The following FRYL variants were observed in gnomAD, a reference collection of about 807,000 sequenced individuals.
FRYL encodes protein furry homolog-like.
A neutral mutation model predicts 351.2 loss-of-function variants in FRYL; 150 were observed. The ratio of observed to expected loss-of-function variants is 0.43; its 90% CI spans 0.37 to 0.49. The LOEUF (loss-of-function observed/expected upper bound fraction) is 0.49. Among genes scored for constraint, FRYL ranks in the 20% least tolerant of loss-of-function variants. The pLI is 0.00. For synonymous variants in FRYL, 1,153 were observed against 1,257.1 expected (o/e 0.92, Z 1.75); for missense variants, 3,036 against 3,619.3 (o/e 0.84, Z 4.13).
intron 2 of FRYL, among the ~76,000 whole-genome samples, chr4:48,709,903 G>A (rs1767816345): frequency 6.6e-6 from 1 of 152,030 alleles, no homozygotes; most frequent in Non-Finnish European, 1.5e-5. Context: ...TAAACAGTAG[G>A]CATTGGTCGA....
chr4:48,585,729 G>A (rs1394636698), intron 19 of FRYL, among the ~76,000 whole-genome samples: 1 of 152,202 alleles, frequency 6.6e-6, no homozygotes, highest in Non-Finnish European at 1.5e-5. Flanking sequence ...TACTTTTGTG[G>A]TAGATGTGAT....
intron 1 of FRYL, among the ~76,000 whole-genome samples, chr4:48,722,823 AATC>A (rs1256775175): frequency 6.6e-6 from 1 of 152,226 alleles, no homozygotes; most frequent in East Asian, 1.9e-4. Context: ...GAAAGATAAA[AATC>A]ATCATGATAC....
chr4:48,748,485 G>A (rs780735540), intron 1 of FRYL, among the ~76,000 whole-genome samples: 1 of 152,132 alleles, frequency 6.6e-6, no homozygotes, highest in South Asian at 2.1e-4. Flanking sequence ...CCTCCTGGCC[G>A]GGATCTCTTT....
chr4:48,598,855 T>C (rs1290541735), intron 13 of FRYL: 1 of 985,008 alleles, frequency 1.0e-6, no homozygotes, highest in Non-Finnish European at 1.2e-6. Flanking sequence ...TGTTTTCTGA[T>C]ACTGTTGTTA....
chr4:48,502,624 A>G (rs1381656368), intron 61 of FRYL, among the ~76,000 whole-genome samples: 1 of 152,128 alleles, frequency 6.6e-6, no homozygotes, highest in Non-Finnish European at 1.5e-5. Context: ...GAAAAAGGTG[A>G]CTGCTAATTT....
At position 48,682,816 on chromosome 4, in the gene FRYL, C is replaced by T. The variant is rs137885030; in HGVS notation, c.-81+1857G>A. Among the ~76,000 whole-genome samples, 435 of 152,188 alleles carry T rather than the reference C, an allele frequency of 2.9e-3. 1 individual carries two copies. Among genetic ancestry groups the T allele is most frequent in the African/African-American group, 9.8e-3 (409 of 41,546 alleles). ...GAAATAGAAATGCTTTTACACTGTT[C>T]GTGGGAGTGTAAATTAGTTCAACCA... On this transcript the variant is annotated intron_variant, in intron 3 of 63. Transcript: ENST00000358350.
intron 3 of FRYL, among the ~76,000 whole-genome samples, chr4:48,676,643 G>A (rs990723348): frequency 6.6e-6 from 1 of 151,576 alleles, no homozygotes; most frequent in Non-Finnish European, 1.5e-5. Context: ...CGCCCGCCTC[G>A]GCCTCCCGAA....
chr4:48,499,517 T>G lies in FRYL; in HGVS notation c.8947A>C (p.Asn2983His). 1 of 1,614,110 alleles carries G rather than the reference T, an allele frequency of 6.2e-7. No homozygotes were observed. The highest frequency in any genetic ancestry group is 1.1e-5 in the South Asian group (1 of 91,084). Reference protein sequence around the residue: ...SEANYKLMELNLEIRESLRMV... With the variant: ...SEANYKLMELHLEIRESLRMV... ...CGTAGAGACTCTCTTATTTCCAGAT[T>G]AAGTTCCATCAGTTTGTAGTTGGCT... The change falls in exon 64 of 64, where the codon AAT becomes CAT. Residue 2983 changes from asparagine (N) to histidine (H), a missense_variant. Physicochemically the swap from Asn to His is moderately conservative, Grantham distance 68. Transcript: ENST00000358350.
At chr4:48,639,480 A>G (rs1330754772) in intron 3 of FRYL, among the ~76,000 whole-genome samples, 1 of 14,658 alleles carries the variant, frequency 6.8e-5, no homozygotes, top group Non-Finnish European at 1.6e-4. Context: ...CTAGAAATCC[A>G]CATGTTAAAA....
chr4:48,741,929 A>G (rs1339078157), intron 1 of FRYL, among the ~76,000 whole-genome samples: 2 of 152,222 alleles, frequency 1.3e-5, no homozygotes, highest in Admixed American at 6.5e-5. Flanking sequence ...TTTGTATACT[A>G]TAATAGTGGA....
intron 35 of FRYL, 24 bp from the exon 36 acceptor site, chr4:48,553,407 A>C: frequency 6.4e-7 from 1 of 1,573,734 alleles, no homozygotes; most frequent in Non-Finnish European, 8.7e-7. Context: ...AATCGTTCAG[A>C]AAAGAAAAAG....
chr4:48,754,655 G>C (rs1773585865), intron 1 of FRYL, among the ~76,000 whole-genome samples: 1 of 109,846 alleles, frequency 9.1e-6, no homozygotes. Flanking sequence ...TGATTTTCTG[G>C]GGTTTTTTTG....
At position 48,549,693 on chromosome 4, in the gene FRYL, A is replaced by C; in HGVS notation, c.4634-70T>G. The C allele has an allele frequency of 2.4e-6, 3 of 1,269,022 alleles. No individual in the cohort carries two copies. 78.6% of individuals were successfully genotyped at this position (1,269,022 alleles called of 1,614,324 possible). A position where few individuals can be genotyped will look rare whatever the true frequency, so the allele number is the denominator to read the frequency against. ...GCCAATATAAGCAAACTCTAGTAAG[A>C]TCCCAACTATTTATATAGTATTGGA... On this transcript the variant is annotated intron_variant, in intron 38 of 63. Coordinates refer to ENST00000358350, the MANE Select transcript of FRYL (RefSeq NM_015030.2). The surrounding 1 kb of genome is among the most constrained non-coding windows in gnomAD (Gnocchi z 4.2).
At chr4:48,668,327 G>A (rs1343397398) in intron 3 of FRYL, among the ~76,000 whole-genome samples, 1 of 150,954 alleles carries the variant, frequency 6.6e-6, no homozygotes, top group Non-Finnish European at 1.5e-5. Context: ...AACTAAGGCT[G>A]GAGATCGCAT....
intron 19 of FRYL, among the ~76,000 whole-genome samples, chr4:48,583,274 C>T (rs1039759642): frequency 1.2e-3 from 186 of 152,052 alleles, no homozygotes; most frequent in African/African-American, 4.3e-3. Context: ...GCCTCAGCCT[C>T]CCAAGTAGCT....
At chr4:48,505,664 T>A (rs756180972) in intron 59 of FRYL, 49 bp from the exon 60 acceptor site, 2 of 1,140,808 alleles carry the variant, frequency 1.8e-6, no homozygotes, top group Non-Finnish European at 2.6e-6. Flanking sequence ...AAATGGGTAG[T>A]GTAACAGCCT....
At chr4:48,693,315 C>T (rs748783815) in intron 2 of FRYL, among the ~76,000 whole-genome samples, 7 of 152,050 alleles carry the variant, frequency 4.6e-5, no homozygotes, top group South Asian at 2.1e-4. Context: ...TATCTAAAAA[C>T]GGAAGTCCTT....
At chr4:48,731,127 C>A (rs1770677612) in intron 1 of FRYL, among the ~76,000 whole-genome samples, 1 of 151,902 alleles carries the variant, frequency 6.6e-6, no homozygotes, top group South Asian at 2.1e-4. Flanking sequence ...ACAAAGAAGG[C>A]CATTACGTAA....
At chr4:48,648,444 C>G (rs1044825562) in intron 3 of FRYL, among the ~76,000 whole-genome samples, 5 of 152,144 alleles carry the variant, frequency 3.3e-5, no homozygotes, top group Non-Finnish European at 7.4e-5. Flanking sequence ...GCCCACCCAC[C>G]TATCTCCCAA....
Sources: allele counts gnomAD v4.1 joint callset (sites outside exome capture counted in the v4.1 genomes callset), GRCh38; gene constraint gnomAD v4.1.1; non-coding constraint Gnocchi (gnomAD v3.1); transcripts MANE v1.5; gene names NCBI Gene and HGNC (gene_info 2026-07-23, HGNC 2026-07-21).